JARID2: variants seen among roughly 807,000 people sequenced by gnomAD.
JARID2 encodes the protein protein Jumonji.
In JARID2, 21 loss-of-function variants were observed where a neutral mutation model predicts 125.6. That is an observed-to-expected ratio of 0.17 (90% CI 0.12 to 0.24). The LOEUF is 0.24. Among genes scored for constraint, JARID2 ranks in the 10% least tolerant of loss-of-function variants. JARID2 has a pLI of 1.00. For missense variants in JARID2, 1,303 were observed against 1,639.6 expected, an observed-to-expected ratio of 0.79 and a Z score of 3.55; for synonymous variants, 736 against 661.6, an observed-to-expected ratio of 1.11 and a Z score of -1.73.
intron 2 of JARID2, among the ~76,000 whole-genome samples, chr6:15,407,176 G>C (rs532838300): frequency 1.3e-5 from 2 of 152,102 alleles, no homozygotes; most frequent in African/African-American, 4.8e-5. Flanking sequence ...TTGAGCCTAG[G>C]AGGACTGCTT....
chr6:15,447,572 A>G (rs1233363837), intron 3 of JARID2, among the ~76,000 whole-genome samples: 1 of 152,158 alleles, frequency 6.6e-6, no homozygotes, highest in Non-Finnish European at 1.5e-5. Context: ...CTTCAACCCC[A>G]GGAACCCCGT....
At chr6:15,246,615 T>C in intron 1 of JARID2, 31 bp downstream of exon 1, 3 of 1,586,356 alleles carry the variant, frequency 1.9e-6, no homozygotes, top group South Asian at 2.2e-5. Context: ...ATCCTTTGAC[T>C]TGCAGTTTTA....
intron 1 of JARID2, among the ~76,000 whole-genome samples, chr6:15,330,961 G>A (rs752902986): frequency 1.7e-4 from 26 of 152,014 alleles, no homozygotes; most frequent in Non-Finnish European, 3.5e-4. Flanking sequence ...TGTTCCCTAA[G>A]ATAGTCCTTA....
chr6:15,353,515 A>C (rs945419951), intron 1 of JARID2, among the ~76,000 whole-genome samples: 1 of 152,214 alleles, frequency 6.6e-6, no homozygotes, highest in Non-Finnish European at 1.5e-5. Context: ...TCTCTTTCTG[A>C]ACAACAACAG....
intron 5 of JARID2, among the ~76,000 whole-genome samples, chr6:15,486,804 G>C (rs958853384): frequency 2.0e-5 from 1 of 49,164 alleles, no homozygotes; most frequent in African/African-American, 1.5e-4. Flanking sequence ...TCTGAGAATA[G>C]ACTTTTTTTT....
intron 8 of JARID2, 86 bp downstream of exon 8, chr6:15,501,495 G>C (rs41267698): frequency 7.5e-7 from 1 of 1,326,380 alleles, no homozygotes; most frequent in Admixed American, 2.6e-5. Flanking sequence ...TGCACTGGAC[G>C]GTGTGTTCTC....
intron 5 of JARID2, among the ~76,000 whole-genome samples, chr6:15,474,649 C>T (rs1397354800): frequency 6.6e-6 from 1 of 152,140 alleles, no homozygotes; most frequent in East Asian, 1.9e-4. Context: ...TCATGGGCAG[C>T]AGTAGAGCCA....
chr6:15,330,622 G>C (rs1762675538), intron 1 of JARID2, among the ~76,000 whole-genome samples: 1 of 152,182 alleles, frequency 6.6e-6, no homozygotes, highest in East Asian at 1.9e-4. Context: ...TATATTAAAA[G>C]CATAGAGTGT....
intron 3 of JARID2, among the ~76,000 whole-genome samples, chr6:15,428,926 A>C (rs1276072134): frequency 4.5e-5 from 6 of 132,508 alleles, no homozygotes; most frequent in South Asian, 5.1e-4. Flanking sequence ...CAAAAAAAAA[A>C]CAAACCCCCC....
intron 2 of JARID2, among the ~76,000 whole-genome samples, chr6:15,393,322 T>A (rs1407626672): frequency 6.6e-6 from 1 of 152,240 alleles, no homozygotes; most frequent in Non-Finnish European, 1.5e-5. Context: ...CCTAGCAATT[T>A]ATTGCTGAGT....
intron 3 of JARID2, among the ~76,000 whole-genome samples, chr6:15,439,142 A>G (rs1767342715): frequency 6.6e-6 from 1 of 152,150 alleles, no homozygotes; most frequent in South Asian, 2.1e-4. Context: ...CATCACAACC[A>G]TTAATTACTC....
intron 1 of JARID2, among the ~76,000 whole-genome samples, chr6:15,325,044 C>A (rs914109709): frequency 3.3e-5 from 5 of 150,918 alleles, no homozygotes; most frequent in African/African-American, 1.2e-4. Flanking sequence ...TTTATAATTT[C>A]TTTTTTTTTC....
At chr6:15,324,734 C>T (rs1220029027) in intron 1 of JARID2, among the ~76,000 whole-genome samples, 1 of 151,486 alleles carries the variant, frequency 6.6e-6, no homozygotes, top group Non-Finnish European at 1.5e-5. Context: ...TGTGATCCTC[C>T]TGCCTCGGCC....
chr6:15,359,364 G>C (rs1020979806), intron 1 of JARID2, among the ~76,000 whole-genome samples: 1 of 152,142 alleles, frequency 6.6e-6, no homozygotes, highest in Admixed American at 6.5e-5. Flanking sequence ...GGCATCCAGA[G>C]GTTGCTCTTC....
intron 3 of JARID2, among the ~76,000 whole-genome samples, chr6:15,416,351 G>A (rs1214351836): frequency 5.3e-5 from 8 of 152,176 alleles, no homozygotes; most frequent in Non-Finnish European, 1.0e-4. Flanking sequence ...GGGAGGTGGA[G>A]TTTGTAGCGA....
chr6:15,255,883 G>A (rs1442898451), intron 1 of JARID2, among the ~76,000 whole-genome samples: 2 of 152,120 alleles, frequency 1.3e-5, no homozygotes, highest in South Asian at 2.1e-4. Flanking sequence ...CCTCAGATTT[G>A]GACAGGCTTG....
chr6:15,346,109 G>A (rs747691137), intron 1 of JARID2, among the ~76,000 whole-genome samples: 1 of 152,180 alleles, frequency 6.6e-6, no homozygotes, highest in Non-Finnish European at 1.5e-5. Context: ...GAGGTTCAGG[G>A]TCTTTCATCT....
chr6:15,490,684 G>A (rs1343103258), intron 6 of JARID2, among the ~76,000 whole-genome samples: 1 of 152,252 alleles, frequency 6.6e-6, no homozygotes, highest in Non-Finnish European at 1.5e-5. Context: ...GTCTCACCAA[G>A]GAGCAAATGG....
chr6:15,401,702 A>T (rs1034570402), intron 2 of JARID2, among the ~76,000 whole-genome samples: 1 of 152,138 alleles, frequency 6.6e-6, no homozygotes, highest in African/African-American at 2.4e-5. Flanking sequence ...GCATTAATTC[A>T]TGTCTGTATT....
Sources: gnomAD v4.1 joint callset for allele counts (sites outside exome capture counted in the v4.1 genomes callset) on GRCh38, gnomAD v4.1.1 for gene constraint, MANE v1.5 for transcripts, NCBI Gene and HGNC (gene_info 2026-07-23, HGNC 2026-07-21) for gene names.